The following VWA8 variants were observed in gnomAD, a reference collection of about 807,000 sequenced individuals.
The protein encoded by VWA8 is von Willebrand factor A domain containing 8.
A neutral mutation model predicts 241.5 loss-of-function variants in VWA8; 221 were observed. The ratio of observed to expected loss-of-function variants is 0.91; its 90% confidence interval spans 0.82 to 1.02. VWA8 has a LOEUF of 1.02. Among genes scored for constraint, VWA8 ranks in the 50% least tolerant of loss-of-function variants. The pLI is 0.00. For synonymous variants in VWA8, 852 were observed against 827.1 expected (o/e 1.03, Z -0.52); for missense variants, 2,322 against 2,328.7 (o/e 1.00, Z 0.06).
chr13:41,617,484 CTTTTTA>C (rs1270664985), intron 37 of VWA8, among the ~76,000 whole-genome samples: 3 of 151,890 alleles, frequency 2.0e-5, no homozygotes, highest in Non-Finnish European at 4.4e-5. Context: ...TTTATTTTTA[CTTTTTA>C]TTTTATTTTT....
At chr13:41,682,604 C>A (rs1056378874) in intron 35 of VWA8, among the ~76,000 whole-genome samples, 1 of 152,038 alleles carries the variant, frequency 6.6e-6, no homozygotes, top group African/African-American at 2.4e-5. Flanking sequence ...AAAAATTAGC[C>A]AGATGTGGTG....
intron 21 of VWA8, among the ~76,000 whole-genome samples, chr13:41,758,427 T>C (rs1368967463): frequency 5.1e-5 from 6 of 118,728 alleles, no homozygotes; most frequent in African/African-American, 5.8e-5. Context: ...TATATATATA[T>C]ATACGCTAGT....
At chr13:41,711,624 C>T (rs1244700960) in intron 26 of VWA8, among the ~76,000 whole-genome samples, 1 of 152,120 alleles carries the variant, frequency 6.6e-6, no homozygotes, top group Admixed American at 6.5e-5. Flanking sequence ...CCTGTAATCC[C>T]AGCACTTTGG....
chr13:41,863,395 TTGTGTGTGTGTGTGTG>T (rs140177608), intron 12 of VWA8, among the ~76,000 whole-genome samples: 2,230 of 90,072 alleles, frequency 0.025, 138 homozygotes, highest in African/African-American at 0.075. Flanking sequence ...TATCTCCTAT[TTGTGTGTGTGTGTGTG>T]TGTGTGTGTG....
intron 28 of VWA8, 107 bp from the exon 29 acceptor site, chr13:41,699,377 G>T: frequency 9.9e-7 from 1 of 1,012,224 alleles, no homozygotes; most frequent in Non-Finnish European, 1.5e-6. Flanking sequence ...AACAGAGTTG[G>T]AACTCAGCAG....
chr13:41,812,293 T>A (rs865968519), intron 16 of VWA8, among the ~76,000 whole-genome samples: 5 of 152,278 alleles, frequency 3.3e-5, no homozygotes, highest in Middle Eastern at 3.4e-3. Context: ...TATTAGCATA[T>A]ATTTAGTAAA....
chr13:41,626,807 A>G (rs2044694918), intron 37 of VWA8, among the ~76,000 whole-genome samples: 1 of 152,186 alleles, frequency 6.6e-6, no homozygotes, highest in Admixed American at 6.5e-5. Flanking sequence ...ACCTAAAACT[A>G]AAAAAACCCT....
At chr13:41,785,199 G>C (rs916970403) in intron 18 of VWA8, among the ~76,000 whole-genome samples, 1 of 151,976 alleles carries the variant, frequency 6.6e-6, no homozygotes, top group African/African-American at 2.4e-5. Context: ...CCAAGCTAAA[G>C]CTTCACCTCA....
At chr13:41,615,630 T>A (rs2044616277) in intron 37 of VWA8, among the ~76,000 whole-genome samples, 1 of 150,330 alleles carries the variant, frequency 6.7e-6, no homozygotes, top group South Asian at 2.1e-4. Context: ...AAACTGCTTA[T>A]TTATTTTTTT....
At chr13:41,725,972 C>G (rs9594618) in intron 24 of VWA8, among the ~76,000 whole-genome samples, 41,611 of 152,016 alleles carry the variant, frequency 0.27, 6,247 homozygotes, top group Non-Finnish European at 0.33. Flanking sequence ...CAAACAATGC[C>G]TTATCAGATT....
In VWA8 at chr13:41,693,013, T is replaced by A. The variant is rs970070538; in HGVS notation, c.3565-41A>T. On this transcript the variant is annotated intron_variant, in intron 29 of 44. Coordinates refer to ENST00000379310, the MANE Select transcript of VWA8 (RefSeq NM_015058.2). ...ACAGTGAAAAGCTCAAGATTTGTTC[T>A]TTTTTTTTTTTTTTTTAAAGCAGCA... is the stretch of plus-strand genomic sequence containing the variant. 3.6e-4 allele frequency: 67 copies of A among 184,750 alleles called. 1 individual carries two copies. Among genetic ancestry groups the A allele is most frequent in the Admixed American group, 1.7e-3 (21 of 12,404 alleles). The allele number at this position is 184,750 out of a possible 1,614,324, so 11.4% of individuals were successfully genotyped here. A position where few individuals can be genotyped will look rare whatever the true frequency, so the allele number is the denominator to read the frequency against.
chr13:41,687,834 T>C (rs1187197005), intron 34 of VWA8, among the ~76,000 whole-genome samples: 2 of 152,130 alleles, frequency 1.3e-5, no homozygotes, highest in Non-Finnish European at 2.9e-5. Flanking sequence ...GTAGCAGGGA[T>C]ATAGCTTTTA....
chr13:41,720,387 A>C (rs1331245924), intron 25 of VWA8, among the ~76,000 whole-genome samples: 1 of 152,082 alleles, frequency 6.6e-6, no homozygotes, highest in Non-Finnish European at 1.5e-5. Flanking sequence ...TGTTATTTTT[A>C]ATCTTGATTT....
chr13:41,783,755 T>C, intron 19 of VWA8, 40 bp downstream of exon 19: 1 of 1,454,250 alleles, frequency 6.9e-7, no homozygotes, highest in Non-Finnish European at 9.6e-7. Context: ...ACTACCACAA[T>C]TTAAGTGATT....
intron 37 of VWA8, among the ~76,000 whole-genome samples, chr13:41,638,212 C>T (rs12866667): frequency 0.033 from 4,954 of 152,138 alleles, 91 homozygotes; most frequent in South Asian, 0.08. Flanking sequence ...TACGTAAAGA[C>T]GGTTTGAAAA....
chr13:41,615,041 T>A lies in VWA8; in HGVS notation c.4655A>T (p.Lys1552Ile), dbSNP rs749567457. ...GTTGTCTGGGTCCTCCTTCCCGTGT[T>A]TGGGGGAGCTTACATCTTCACCACT... Reference protein sequence around the residue: ...RDSGEDVSSPKHGKEDPDNMP... With the variant: ...RDSGEDVSSPIHGKEDPDNMP... Residue 1552 changes from lysine (K) to isoleucine (I), a missense_variant, in exon 38 of 45, where the codon AAA becomes ATA. Coordinates refer to ENST00000379310, the MANE Select transcript of VWA8 (RefSeq NM_015058.2). The A allele has an allele frequency of 6.2e-7, 1 of 1,613,930 alleles. No homozygotes were observed. The highest frequency in any genetic ancestry group is 8.5e-7 in the Non-Finnish European group (1 of 1,179,942).
At chr13:41,764,828 C>G (rs1246162587) in intron 20 of VWA8, among the ~76,000 whole-genome samples, 3 of 151,990 alleles carry the variant, frequency 2.0e-5, no homozygotes, top group Non-Finnish European at 4.4e-5. Context: ...AGAACTGTTT[C>G]CTCAAAGCAC....
intron 37 of VWA8, among the ~76,000 whole-genome samples, chr13:41,617,527 T>C (rs542577135): frequency 2.0e-4 from 30 of 152,224 alleles, no homozygotes; most frequent in Non-Finnish European, 3.2e-4. Flanking sequence ...TTAGGGTACA[T>C]GTGCACAACG....
At chr13:41,793,798 G>C (rs987392407) in intron 17 of VWA8, among the ~76,000 whole-genome samples, 1 of 152,182 alleles carries the variant, frequency 6.6e-6, no homozygotes, top group African/African-American at 2.4e-5. Context: ...CCTGGCGACA[G>C]AGCAAGACTC....
Sources: allele counts gnomAD v4.1 joint callset (sites outside exome capture counted in the v4.1 genomes callset), GRCh38; gene constraint gnomAD v4.1.1; transcripts MANE v1.5; gene names NCBI Gene and HGNC (gene_info 2026-07-23, HGNC 2026-07-21).